Variants in TMEM200A observed in about 807,000 individuals in gnomAD.
The protein encoded by TMEM200A is two transmembrane C.
A neutral mutation model predicts 24.3 loss-of-function variants in TMEM200A; 12 were observed. That is an observed-to-expected ratio of 0.49 (90% CI 0.32 to 0.80). The LOEUF (loss-of-function observed/expected upper bound fraction) is 0.80, where lower values mean the gene tolerates loss of function less well. Among genes scored for constraint, TMEM200A ranks in the 30% least tolerant of loss-of-function variants. The pLI is 0.04. For missense variants in TMEM200A, 545 were observed against 614.4 expected, an observed-to-expected ratio of 0.89 and a Z score of 1.19; for synonymous variants, 224 against 224.4, an observed-to-expected ratio of 1.00 and a Z score of 0.02.
intron 2 of TMEM200A, among the ~76,000 whole-genome samples, chr6:130,431,042 C>T (rs1779863230): frequency 6.6e-6 from 1 of 152,074 alleles, no homozygotes; most frequent in South Asian, 2.1e-4. Context: ...AATGTAAGAC[C>T]TTTAGTAGCC....
At chr6:130,378,084 T>C (rs1778504114) in intron 1 of TMEM200A, among the ~76,000 whole-genome samples, 1 of 152,108 alleles carries the variant, frequency 6.6e-6, no homozygotes, top group East Asian at 1.9e-4. Flanking sequence ...AGCATTAGCA[T>C]AGAGGCCAGT....
At position 130,383,011 on chromosome 6, in the gene TMEM200A, G is replaced by A. The variant is rs960252158; in HGVS notation, c.-80-2162G>A. ...CAAACCATCTCACCCAAGGGGCTGT[G>A]TGAGTTCCTTGAGGCCAGGCATGAT... On this transcript the variant is annotated intron_variant, in intron 1 of 2. Coordinates refer to ENST00000296978, the MANE Select transcript of TMEM200A (RefSeq NM_001258277.2). The A allele has an allele frequency of 1.5e-4, 143 of 985,338 alleles. No homozygotes were observed. In the African/African-American group the frequency reaches 2.3e-3, roughly 16 times the overall value. 61.0% of individuals were successfully genotyped at this position (985,338 alleles called of 1,614,324 possible).
intron 2 of TMEM200A, among the ~76,000 whole-genome samples, chr6:130,419,731 G>C (rs1256773001): frequency 6.6e-6 from 1 of 152,200 alleles, no homozygotes; most frequent in African/African-American, 2.4e-5. Flanking sequence ...CCTGACACCA[G>C]AGCATCAGGA....
Position 130,440,324 on chromosome 6 carries a change from G to A in TMEM200A, c.-16-83G>A, listed in dbSNP as rs1038819794. 11 of 1,370,074 alleles carry A rather than the reference G, an allele frequency of 8.0e-6. No homozygotes were observed. In the African/African-American group the frequency reaches 1.6e-4, roughly 20 times the overall value. 84.9% of individuals were successfully genotyped at this position (1,370,074 alleles called of 1,614,324 possible). A position where few individuals can be genotyped will look rare whatever the true frequency, so the allele number is the denominator to read the frequency against. On this transcript the variant is annotated intron_variant, in intron 2 of 2. Transcript: ENST00000296978. ...ACTGCAACAGCAACAAAAATTCTGT[G>A]TAAACAGTTGTTTAATTGAACTGAT... is the stretch of plus-strand genomic sequence containing the variant.
intron 2 of TMEM200A, among the ~76,000 whole-genome samples, chr6:130,389,904 TTA>T (rs1431075784): frequency 6.6e-6 from 1 of 152,216 alleles, no homozygotes; most frequent in East Asian, 1.9e-4. Context: ...CAGTTCTTTG[TTA>T]ATATATTTTA....
At chr6:130,369,782 GA>G (rs1185307180) in intron 1 of TMEM200A, among the ~76,000 whole-genome samples, 3 of 152,212 alleles carry the variant, frequency 2.0e-5, no homozygotes, top group African/African-American at 7.2e-5. Context: ...AAATTCCACA[GA>G]AGGCATAGAA....
intron 2 of TMEM200A, among the ~76,000 whole-genome samples, chr6:130,387,107 T>A (rs1778728196): frequency 6.6e-6 from 1 of 152,180 alleles, no homozygotes; most frequent in Non-Finnish European, 1.5e-5. Flanking sequence ...TGACAATATG[T>A]GTTTCTTATA....
intron 2 of TMEM200A, among the ~76,000 whole-genome samples, chr6:130,390,104 A>G (rs1778801360): frequency 6.6e-6 from 1 of 152,230 alleles, no homozygotes; most frequent in African/African-American, 2.4e-5. Context: ...AAAAAAGTAT[A>G]AAAAATGAAA....
intron 2 of TMEM200A, among the ~76,000 whole-genome samples, chr6:130,400,197 C>T (rs998100705): frequency 6.6e-6 from 1 of 152,002 alleles, no homozygotes; most frequent in African/African-American, 2.4e-5. Context: ...GTGAATTGTG[C>T]TGCTGTAAAC....
intron 2 of TMEM200A, among the ~76,000 whole-genome samples, chr6:130,416,070 C>T (rs1282050117): frequency 1.3e-5 from 2 of 151,734 alleles, no homozygotes; most frequent in African/African-American, 4.8e-5. Flanking sequence ...TTGTTGTTTT[C>T]TTAATAGTAT....
intron 2 of TMEM200A, among the ~76,000 whole-genome samples, chr6:130,391,033 C>T (rs759520247): frequency 1.3e-5 from 2 of 152,156 alleles, no homozygotes; most frequent in South Asian, 4.1e-4. Flanking sequence ...CTCTGCGGGA[C>T]AAAAATGCCT....
intron 2 of TMEM200A, among the ~76,000 whole-genome samples, chr6:130,420,518 T>G (rs1185998052): frequency 6.6e-6 from 1 of 152,180 alleles, no homozygotes; most frequent in Non-Finnish European, 1.5e-5. Context: ...CTCACATTTT[T>G]CTGACCAAAG....
At position 130,441,738 on chromosome 6, in the gene TMEM200A, C is replaced by T. The variant is rs574341811; in HGVS notation, c.1316C>T (p.Pro439Leu). The T allele has an allele frequency of 4.0e-5, 65 of 1,613,838 alleles. No individual in the cohort carries two copies. Among genetic ancestry groups the T allele is most frequent in the Non-Finnish European group, 5.4e-5 (64 of 1,179,972 alleles). The change falls in exon 3 of 3, where the codon CCG becomes CTG. Residue 439 changes from proline (P) to leucine (L), a missense_variant. Pro to Leu is a moderately conservative substitution (Grantham distance 98). Transcript: ENST00000296978. ...GYMKLENKEDPMDRLLVPQVA... is the reference protein window; with the variant it reads ...GYMKLENKEDLMDRLLVPQVA... ...ATGAAACTAGAGAACAAAGAAGACC[C>T]GATGGATAGGTTGCTTGTGCCCCAA...
At chr6:130,413,562 C>T (rs542196199) in intron 2 of TMEM200A, among the ~76,000 whole-genome samples, 76 of 152,272 alleles carry the variant, frequency 5.0e-4, no homozygotes, top group Middle Eastern at 3.4e-3. Flanking sequence ...TCCTTTCACC[C>T]GCCATGTGGT....
At chr6:130,398,042 A>G (rs1473091801) in intron 2 of TMEM200A, among the ~76,000 whole-genome samples, 1 of 151,948 alleles carries the variant, frequency 6.6e-6, no homozygotes, top group East Asian at 1.9e-4. Context: ...CCATGTTGCT[A>G]AGGTTTGGTG....
chr6:130,441,878 AC>A lies in TMEM200A; in HGVS notation c.1457del (p.Thr486IlefsTer30). On this transcript the variant is annotated frameshift_variant, in exon 3 of 3. Coordinates refer to ENST00000296978, the MANE Select transcript of TMEM200A (RefSeq NM_001258277.2). LOFTEE classifies it high-confidence loss of function. ...TTTGAGTAACAACCTAAAGAGGGGAACTTCTGAAACAAGGTTTTAATGTTAA... is the reference window on the plus strand; with the variant it reads ...TTTGAGTAACAACCTAAAGAGGGGAATTCTGAAACAAGGTTTTAATGTTAA... The part of the protein sequence containing the change: ...EFLSNNLKRG[T>X]SETRF The A allele has an allele frequency of 6.2e-7, 1 of 1,601,712 alleles. No homozygotes were observed. Among genetic ancestry groups the A allele is most frequent in the Non-Finnish European group, 8.5e-7 (1 of 1,175,438 alleles).
intron 2 of TMEM200A, among the ~76,000 whole-genome samples, chr6:130,427,652 C>T (rs1779778339): frequency 6.6e-6 from 1 of 151,894 alleles, no homozygotes; most frequent in Non-Finnish European, 1.5e-5. Flanking sequence ...ACCCATTTGT[C>T]CTCTCATTGA....
rs766364573 is a variant in TMEM200A, at chr6:130,440,527, A to G, written c.105A>G (p.Gln35=). 6.2e-7 allele frequency: 1 copy of G among 1,614,114 alleles called. No individual in the cohort carries two copies. Among genetic ancestry groups the G allele is most frequent in the East Asian group, 2.2e-5 (1 of 44,874 alleles). ...HVNLSPSPAT[Q]EKKPIRRRPR... is the part of the protein sequence containing the mutation. ...ACCTCAGCCCGTCTCCTGCTACCCA[A>G]GAGAAGAAGCCCATCAGGCGCCGGC... Residue 35 remains glutamine, a synonymous_variant, in exon 3 of 3, where the codon CAA becomes CAG. Transcript: ENST00000296978.
At chr6:130,400,370 T>C (rs1215997666) in intron 2 of TMEM200A, among the ~76,000 whole-genome samples, 2 of 152,086 alleles carry the variant, frequency 1.3e-5, no homozygotes, top group Non-Finnish European at 2.9e-5. Flanking sequence ...CCACCAGCAG[T>C]GTAGAATTGT....
Sources: allele counts gnomAD v4.1 joint callset (sites outside exome capture counted in the v4.1 genomes callset), GRCh38; gene constraint gnomAD v4.1.1; transcripts MANE v1.5; gene names NCBI Gene and HGNC (gene_info 2026-07-23, HGNC 2026-07-21).